Variants in DLG2 observed in about 807,000 individuals in gnomAD.
DLG2 encodes the protein disks large homolog 2.
DLG2 carries 45 observed loss-of-function variants against 132.5 expected under a neutral mutation model. That is an observed-to-expected ratio of 0.34 (90% CI 0.27 to 0.44). The LOEUF (loss-of-function observed/expected upper bound fraction) is 0.44. Among genes scored for constraint, DLG2 ranks in the 20% least tolerant of loss-of-function variants. DLG2 has a pLI of 1.00. For synonymous variants in DLG2, 424 were observed against 419.6 expected (o/e 1.01, Z -0.13); for missense variants, 1,045 against 1,196.9 (o/e 0.87, Z 1.87).
chr11:85,163,975 C>T (rs1213400866), intron 4 of DLG2, among the ~76,000 whole-genome samples: 1 of 152,062 alleles, frequency 6.6e-6, no homozygotes, highest in Non-Finnish European at 1.5e-5. Flanking sequence ...ACAGAATTCC[C>T]TTATTCCCCA....
chr11:85,312,138 A>G lies in DLG2; in HGVS notation c.41-26773T>C, dbSNP rs567709583. ...ATTCCTCTATAGTAAAATGTGTCAC[A>G]CTGTATTGTCTCTATTAATTATCTC... On this transcript the variant is annotated intron_variant, in intron 3 of 27. Coordinates refer to ENST00000376104, the MANE Select transcript of DLG2 (RefSeq NM_001142699.3). 3.9e-5 allele frequency among the ~76,000 whole-genome samples: 6 copies of G among 152,148 alleles called. No individual in the cohort carries two copies. In the East Asian group the frequency reaches 9.6e-4, roughly 24 times the overall value.
intron 6 of DLG2, among the ~76,000 whole-genome samples, chr11:84,588,060 T>C (rs774925370): frequency 2.0e-5 from 3 of 152,140 alleles, no homozygotes; most frequent in Non-Finnish European, 4.4e-5. Context: ...GTGAATGCCA[T>C]GGCCCCAGCA....
chr11:85,210,046 T>A (rs1447703717), intron 4 of DLG2, among the ~76,000 whole-genome samples: 1 of 152,144 alleles, frequency 6.6e-6, no homozygotes, highest in East Asian at 1.9e-4. Context: ...TTCTGCCCAC[T>A]CACCATTTCA....
intron 9 of DLG2, among the ~76,000 whole-genome samples, chr11:84,126,418 C>G (rs2094174970): frequency 6.6e-6 from 1 of 151,990 alleles, no homozygotes; most frequent in African/African-American, 2.4e-5. Context: ...CCTTTTAAAG[C>G]ATAATACCAA....
intron 18 of DLG2, among the ~76,000 whole-genome samples, chr11:83,780,354 G>T (rs4143313): frequency 0.39 from 58,857 of 151,934 alleles, 11,718 homozygotes; most frequent in Middle Eastern, 0.59. Flanking sequence ...CTGTGACAGT[G>T]GTTACCCCAA....
At chr11:83,990,136 G>C (rs971692673) in intron 11 of DLG2, among the ~76,000 whole-genome samples, 2 of 152,076 alleles carry the variant, frequency 1.3e-5, no homozygotes, top group Non-Finnish European at 2.9e-5. Flanking sequence ...AAAAATGTAA[G>C]TAATCATTTC....
At chr11:84,070,086 A>G (rs1346737617) in intron 10 of DLG2, among the ~76,000 whole-genome samples, 1 of 152,142 alleles carries the variant, frequency 6.6e-6, no homozygotes, top group African/African-American at 2.4e-5. Flanking sequence ...TCCTAAGGCA[A>G]CCCTTTTATC....
chr11:85,596,106 A>G (rs2079737776), intron 3 of DLG2, among the ~76,000 whole-genome samples: 1 of 152,090 alleles, frequency 6.6e-6, no homozygotes, highest in Admixed American at 6.6e-5. Flanking sequence ...TTGAAAAATA[A>G]GGGTCAGGTG....
chr11:85,140,499 C>G lies in DLG2; in HGVS notation c.282+14057G>C, dbSNP rs141482401. On this transcript the variant is annotated intron_variant, in intron 5 of 27. Transcript: ENST00000376104. ...ATAGGGTACATGTGATGTTCTGGTA[C>G]AAGCATAAAATGTTTAATGATCACA... is the stretch of plus-strand genomic sequence containing the variant. Among the ~76,000 whole-genome samples the G allele has an allele frequency of 1.9e-3, 285 of 151,576 alleles. 1 individual carries two copies. Among genetic ancestry groups the G allele is most frequent in the African/African-American group, 6.7e-3 (277 of 41,382 alleles).
rs576709658 is a variant in DLG2, at chr11:85,330,701, G to A, written c.41-45336C>T. On this transcript the variant is annotated intron_variant, in intron 3 of 27. Transcript: ENST00000376104. ...TAGATGACACGTTAGTGGGTGCAGC[G>A]CACCAGCATGGCACATGTATACATA... Among the ~76,000 whole-genome samples, 137 of 103,214 alleles carry A rather than the reference G, an allele frequency of 1.3e-3. 1 individual carries two copies. The Middle Eastern group carries it at 0.035, about 26-fold the overall frequency. 67.7% of individuals were successfully genotyped at this position (103,214 alleles called of 152,430 possible). A position where few individuals can be genotyped will look rare whatever the true frequency, so the allele number is the denominator to read the frequency against.
intron 6 of DLG2, among the ~76,000 whole-genome samples, chr11:85,035,019 T>C (rs1260424936): frequency 1.3e-5 from 2 of 152,202 alleles, no homozygotes; most frequent in East Asian, 3.9e-4. Context: ...TTTGATATGA[T>C]ATTTTCTTTT....
At chr11:83,710,966 C>A (rs990551521) in intron 18 of DLG2, among the ~76,000 whole-genome samples, 1 of 152,162 alleles carries the variant, frequency 6.6e-6, no homozygotes, top group Non-Finnish European at 1.5e-5. Flanking sequence ...CTGTGTTAAA[C>A]TCTTAACATG....
chr11:83,965,343 A>G lies in DLG2; in HGVS notation c.1182T>C (p.Gly394=). ...ACTTACAGTGAGTAATATCAGGTGG[A>G]CCATAAGGATCAGTCATATAAATGG... ...PTTIYMTDPY[G]PPDITHSYSP... is the part of the protein sequence containing the mutation. The change falls in exon 13 of 28, where the codon GGT becomes GGC. Residue 394 remains glycine (G), a synonymous_variant. Coordinates refer to ENST00000376104, the MANE Select transcript of DLG2 (RefSeq NM_001142699.3). 6.2e-7 allele frequency: 1 copy of G among 1,610,636 alleles called. No individual in the cohort carries two copies. The highest frequency in any genetic ancestry group is 8.5e-7 in the Non-Finnish European group (1 of 1,178,210).
intron 7 of DLG2, among the ~76,000 whole-genome samples, chr11:84,410,482 G>C (rs546043707): frequency 6.6e-6 from 1 of 151,336 alleles, no homozygotes; most frequent in Admixed American, 6.6e-5. Flanking sequence ...CAGCTTCTTT[G>C]GTGGCTTATT....
intron 7 of DLG2, among the ~76,000 whole-genome samples, chr11:84,367,605 G>A (rs2089789210): frequency 6.6e-6 from 1 of 152,064 alleles, no homozygotes; most frequent in South Asian, 2.1e-4. Flanking sequence ...ATGGATTAAT[G>A]GGTTAGTGAA....
chr11:85,303,286 G>A (rs1045803453), intron 3 of DLG2, among the ~76,000 whole-genome samples: 1 of 152,102 alleles, frequency 6.6e-6, no homozygotes, highest in African/African-American at 2.4e-5. Flanking sequence ...TTCCAACCTT[G>A]GAATTGTTAC....
Position 84,526,030 on chromosome 11 carries a change from G to A in DLG2, c.519+8540C>T, listed in dbSNP as rs570265802. Among the ~76,000 whole-genome samples, 8 of 151,996 alleles carry A rather than the reference G, an allele frequency of 5.3e-5. No individual in the cohort carries two copies. The South Asian group carries it at 6.3e-4, about 12-fold the overall frequency. On this transcript the variant is annotated intron_variant, in intron 7 of 27. Transcript: ENST00000376104. The stretch of plus-strand genomic sequence containing the variant: ...CCAAAAAATTAAACAGTTTTTCTAC[G>A]TCTTGAGAGACCTCTTCTTTCACAC...
intron 5 of DLG2, among the ~76,000 whole-genome samples, chr11:85,120,292 G>A (rs1397859827): frequency 6.6e-6 from 1 of 152,042 alleles, no homozygotes; most frequent in Non-Finnish European, 1.5e-5. Flanking sequence ...CCAACATCAA[G>A]CAATAGCCAG....
chr11:84,867,931 A>G (rs144559740), intron 6 of DLG2, among the ~76,000 whole-genome samples: 6,246 of 151,986 alleles, frequency 0.041, 186 homozygotes, highest in Non-Finnish European at 0.062. Flanking sequence ...AAAATTAGCC[A>G]GGCGTGGTAG....
Sources: gnomAD v4.1 joint callset for allele counts (sites outside exome capture counted in the v4.1 genomes callset) on GRCh38, gnomAD v4.1.1 for gene constraint, MANE v1.5 for transcripts, NCBI Gene and HGNC (gene_info 2026-07-23, HGNC 2026-07-21) for gene names.